CSPP1: variants seen among roughly 807,000 people sequenced by gnomAD.
CSPP1 encodes centrosome and spindle pole-associated protein 1.
Under a neutral mutation model 164.4 loss-of-function variants are expected in CSPP1, and 126 were observed. That is an observed-to-expected ratio of 0.77 (90% confidence interval 0.66 to 0.89). The LOEUF is 0.89. CSPP1 is among the 40% of genes least tolerant of loss of function. CSPP1 has a pLI of 0.00. For synonymous variants in CSPP1, 472 were observed against 476.7 expected, an observed-to-expected ratio of 0.99 and a Z score of 0.13; for missense variants, 1,395 against 1,449.8, an observed-to-expected ratio of 0.96 and a Z score of 0.61.
chr8:67,178,579 C>T (rs1369327241), intron 27 of CSPP1, among the ~76,000 whole-genome samples: 1 of 152,064 alleles, frequency 6.6e-6, no homozygotes, highest in East Asian at 1.9e-4. Context: ...CTGGAGGATC[C>T]TGGGTGGGAG....
intron 3 of CSPP1, among the ~76,000 whole-genome samples, chr8:67,085,802 C>T (rs1810275154): frequency 6.6e-6 from 1 of 152,006 alleles, no homozygotes; most frequent in Non-Finnish European, 1.5e-5. Context: ...GTGGCTAGGG[C>T]TCATGGATGA....
chr8:67,146,821 T>C (rs1045608163), intron 17 of CSPP1, among the ~76,000 whole-genome samples: 1 of 152,242 alleles, frequency 6.6e-6, no homozygotes, highest in Non-Finnish European at 1.5e-5. Flanking sequence ...TAATTTTATA[T>C]TGAATGTTAT....
intron 28 of CSPP1, among the ~76,000 whole-genome samples, chr8:67,183,101 A>G (rs551991587): frequency 1.6e-4 from 24 of 152,328 alleles, no homozygotes; most frequent in African/African-American, 4.8e-4. Flanking sequence ...AGTTTTATCT[A>G]TAGGTTTAGC....
intron 24 of CSPP1, 30 bp from the exon 25 acceptor site, chr8:67,172,386 C>T (rs371220826): frequency 3.8e-6 from 6 of 1,579,556 alleles, no homozygotes; most frequent in African/African-American, 1.4e-5. Flanking sequence ...TCCTGTGAAG[C>T]ACATATTATG....
At chr8:67,145,775 A>C (rs1824417058) in intron 17 of CSPP1, among the ~76,000 whole-genome samples, 2 of 151,936 alleles carry the variant, frequency 1.3e-5, no homozygotes, top group African/African-American at 4.8e-5. Context: ...TGCCCACCTC[A>C]GCCTCCGAAA....
Position 67,158,458 on chromosome 8 carries a change from G to A in CSPP1, c.2253G>A (p.Lys751=). The A allele has an allele frequency of 6.3e-7, 1 of 1,597,736 alleles. No homozygotes were observed. The highest frequency in any genetic ancestry group is 8.5e-7 in the Non-Finnish European group (1 of 1,173,748). ...GTTTAATTCTTTAGATTGAGGAAAA[G>A]AAACAAAGAGAGGAAGCAGAGCGAG... ...KNFLRFQIEE[K]KQREEAERER... Residue 751 remains lysine (K), a synonymous_variant, in exon 20 of 31, where the codon AAG becomes AAA. Coordinates refer to ENST00000678616, the MANE Select transcript of CSPP1 (RefSeq NM_001382391.1).
At chr8:67,178,794 AG>A (rs1162048887) in intron 27 of CSPP1, among the ~76,000 whole-genome samples, 4 of 152,150 alleles carry the variant, frequency 2.6e-5, no homozygotes, top group Non-Finnish European at 4.4e-5. Context: ...CACATGGGGC[AG>A]GGGGTGACGA....
chr8:67,180,854 T>G (rs186798187), intron 28 of CSPP1, among the ~76,000 whole-genome samples: 198 of 152,248 alleles, frequency 1.3e-3, no homozygotes, highest in Non-Finnish European at 1.9e-3. Flanking sequence ...CCATGGGATC[T>G]TCTTTTTTTT....
chr8:67,087,895 C>G (rs1322809181), intron 4 of CSPP1, among the ~76,000 whole-genome samples: 1 of 152,188 alleles, frequency 6.6e-6, no homozygotes, highest in African/African-American at 2.4e-5. Flanking sequence ...TGCCCAACTT[C>G]TTAACTGATT....
intron 17 of CSPP1, among the ~76,000 whole-genome samples, chr8:67,147,363 CTT>C (rs1824800979): frequency 6.6e-6 from 1 of 152,176 alleles, no homozygotes; most frequent in Non-Finnish European, 1.5e-5. Context: ...AGTCCCTTCT[CTT>C]TGCATTTTTT....
rs986975968 is a variant in CSPP1 at position 67,135,307 on chromosome 8, G to T, written c.1828-2149G>T. 6.6e-5 allele frequency among the ~76,000 whole-genome samples: 10 copies of T among 152,064 alleles called. No individual in the cohort carries two copies. The East Asian group carries it at 1.9e-3, about 29-fold the overall frequency. On this transcript the variant is annotated intron_variant, in intron 16 of 30. Coordinates refer to ENST00000678616, the MANE Select transcript of CSPP1 (RefSeq NM_001382391.1). ...CTACAGGTGCCCACTACCACGCCCA[G>T]CTAATTTTTATTTTTTATTTTTTTT...
At chr8:67,083,424 T>G (rs1002859904) in intron 3 of CSPP1, among the ~76,000 whole-genome samples, 1 of 149,712 alleles carries the variant, frequency 6.7e-6, no homozygotes, top group African/African-American at 2.5e-5. Context: ...CCCAGCTACT[T>G]GAGAGGCTGA....
chr8:67,174,365 A>G (rs1171203716), intron 25 of CSPP1: 1 of 152,140 alleles, frequency 6.6e-6, no homozygotes, highest in Non-Finnish European at 1.5e-5. Context: ...TATATTTAGG[A>G]TCATTTCTTT....
chr8:67,074,341 T>A lies in CSPP1; in HGVS notation c.89T>A (p.Met30Lys). The A allele has an allele frequency of 6.3e-7, 1 of 1,591,622 alleles. No homozygotes were observed. Residue 30 changes from methionine (M) to lysine (K), a missense_variant, in exon 2 of 31, where the codon ATG becomes AAG. By Grantham distance (95) the Met-to-Lys change is moderately conservative. Transcript: ENST00000678616. ...GAGTTGGAAAGTGATCCACCTTACA[T>A]GGAAATGAAGGTAAATTTAATAATT... The part of the protein sequence containing the change: ...KAELESDPPY[M>K]EMKGKLSAKL...
At chr8:67,083,316 G>A (rs959757783) in intron 3 of CSPP1, among the ~76,000 whole-genome samples, 64 of 151,750 alleles carry the variant, frequency 4.2e-4, no homozygotes, top group African/African-American at 1.5e-3. Context: ...GGCGGATCAT[G>A]AGGTCAGGAG....
At chr8:67,158,667 TCTTA>T (rs770204044) in intron 20 of CSPP1, 71 bp downstream of exon 20, 19 of 1,495,408 alleles carry the variant, frequency 1.3e-5, no homozygotes, top group Non-Finnish European at 1.6e-5. Context: ...AAAAGGTATT[TCTTA>T]CTTATAAAGG....
In CSPP1 at chr8:67,149,718, TATATTTTGC is replaced by T; in HGVS notation, c.1976-62_1976-54del. 5 of 1,153,912 alleles carry T rather than the reference TATATTTTGC, an allele frequency of 4.3e-6. No homozygotes were observed. The East Asian group carries it at 1.4e-4, about 32-fold the overall frequency. The allele number at this position is 1,153,912 out of a possible 1,614,324, so 71.5% of individuals were successfully genotyped here. ...TTTCTGACTTCCTATTTTAAGAAAATATATTTTGCATGCCAATTACAGAAATGTGTTTAT... is the reference window on the plus strand; with the variant it reads ...TTTCTGACTTCCTATTTTAAGAAAATATGCCAATTACAGAAATGTGTTTAT... On this transcript the variant is annotated intron_variant, in intron 17 of 30. Coordinates refer to ENST00000678616, the MANE Select transcript of CSPP1 (RefSeq NM_001382391.1).
chr8:67,182,401 G>A (rs542204763), intron 28 of CSPP1, among the ~76,000 whole-genome samples: 26 of 152,166 alleles, frequency 1.7e-4, no homozygotes, highest in African/African-American at 6.0e-4. Context: ...GTAGACACTT[G>A]AGTTGCTTCC....
At chr8:67,099,779 C>T (rs1249234383) in intron 7 of CSPP1, among the ~76,000 whole-genome samples, 1 of 151,878 alleles carries the variant, frequency 6.6e-6, no homozygotes, top group African/African-American at 2.4e-5. Flanking sequence ...AATATAAAGG[C>T]CAATTTAGTA....
Sources: gnomAD v4.1 joint callset for allele counts (sites outside exome capture counted in the v4.1 genomes callset) on GRCh38, gnomAD v4.1.1 for gene constraint, MANE v1.5 for transcripts, NCBI Gene and HGNC (gene_info 2026-07-23, HGNC 2026-07-21) for gene names.